The following WDPCP variants were observed in gnomAD, a reference collection of about 807,000 sequenced individuals.
The protein encoded by WDPCP is WD repeat-containing and planar cell polarity effector protein fritz homolog.
A neutral mutation model predicts 93.1 loss-of-function variants in WDPCP; 71 were observed. That is an observed-to-expected ratio of 0.76 (90% CI 0.63 to 0.93). The LOEUF (loss-of-function observed/expected upper bound fraction) is 0.93. WDPCP is among the 40% of genes least tolerant of loss of function. WDPCP has a pLI of 0.00. For missense variants in WDPCP, 844 were observed against 887.4 expected (o/e 0.95, Z 0.62); for synonymous variants, 315 against 315.0 (o/e 1.00, Z 0.00).
intron 2 of WDPCP, among the ~76,000 whole-genome samples, chr2:63,679,808 T>C (rs1161423210): frequency 6.6e-6 from 1 of 152,136 alleles, no homozygotes; most frequent in African/African-American, 2.4e-5. Flanking sequence ...GCACTTTGAA[T>C]CAATAGCCCT....
intron 14 of WDPCP, among the ~76,000 whole-genome samples, chr2:63,247,674 GAAA>G (rs77431217): frequency 8.6e-6 from 1 of 116,136 alleles, no homozygotes; most frequent in Non-Finnish European, 1.8e-5. Flanking sequence ...TTCCAAAATT[GAAA>G]AAAAAAAAAA....
intron 2 of WDPCP, among the ~76,000 whole-genome samples, chr2:63,715,949 G>A (rs529707385): frequency 6.6e-6 from 1 of 152,210 alleles, no homozygotes; most frequent in Non-Finnish European, 1.5e-5. Context: ...GTCGAGGTTG[G>A]TGATCTTCTG....
At chr2:63,403,990 A>T in intron 10 of WDPCP, 58 bp downstream of exon 10, 1 of 1,605,106 alleles carries the variant, frequency 6.2e-7, no homozygotes, top group Non-Finnish European at 8.5e-7. Context: ...TTATTGCCTT[A>T]ATTATGTCAC....
chr2:63,523,938 A>C (rs1703130295), intron 1 of WDPCP, among the ~76,000 whole-genome samples: 1 of 152,092 alleles, frequency 6.6e-6, no homozygotes, highest in African/African-American at 2.4e-5. Flanking sequence ...AAAGCAATGT[A>C]TAAAAATCAG....
At chr2:63,585,167 A>G (rs545401986) in intron 1 of WDPCP, among the ~76,000 whole-genome samples, 28 of 152,332 alleles carry the variant, frequency 1.8e-4, no homozygotes, top group African/African-American at 6.7e-4. Context: ...CATTGAGACT[A>G]CAGTTTTAAA....
At chr2:63,531,527 T>C (rs577634025) in intron 1 of WDPCP, among the ~76,000 whole-genome samples, 1 of 152,236 alleles carries the variant, frequency 6.6e-6, no homozygotes, top group Admixed American at 6.5e-5. Flanking sequence ...TACTATTCTG[T>C]AATATATGCT....
intron 2 of WDPCP, among the ~76,000 whole-genome samples, chr2:63,729,342 A>T (rs1243145398): frequency 2.0e-5 from 3 of 152,230 alleles, no homozygotes; most frequent in South Asian, 2.1e-4. Context: ...TGATAAAAAA[A>T]ATATATTTTA....
At position 63,207,956 on chromosome 2, in the gene WDPCP, TC is replaced by T. The variant is rs1334931582; in HGVS notation, c.1916-33125del. On this transcript the variant is annotated intron_variant, in intron 14 of 17. Coordinates refer to ENST00000272321, the MANE Select transcript of WDPCP (RefSeq NM_015910.7). ...TTTAAGTGTTTCCTCTTTTAAATTC[TC>T]TAGTTATCATAAGCAATTGTGTTTA... Among the ~76,000 whole-genome samples the T allele has an allele frequency of 2.0e-5, 3 of 152,208 alleles. No homozygotes were observed. In the East Asian group the frequency reaches 5.8e-4, roughly 29 times the overall value.
At chr2:63,188,920 T>C (rs1452463090) in intron 14 of WDPCP, among the ~76,000 whole-genome samples, 1 of 152,176 alleles carries the variant, frequency 6.6e-6, no homozygotes, top group Non-Finnish European at 1.5e-5. Flanking sequence ...TTCTCAATCT[T>C]TATGAACTAC....
intron 1 of WDPCP, among the ~76,000 whole-genome samples, chr2:63,574,278 A>G (rs1707756608): frequency 6.6e-6 from 1 of 152,152 alleles, no homozygotes; most frequent in Non-Finnish European, 1.5e-5. Context: ...CCGGACACCC[A>G]GCTTTAACAT....
chr2:63,480,135 A>G (rs1232031149), intron 6 of WDPCP, among the ~76,000 whole-genome samples: 1 of 152,080 alleles, frequency 6.6e-6, no homozygotes, highest in Non-Finnish European at 1.5e-5. Flanking sequence ...ACCCTTTTAC[A>G]ATAGCTGCAA....
intron 2 of WDPCP, among the ~76,000 whole-genome samples, chr2:63,678,725 T>C (rs1710454479): frequency 6.6e-6 from 1 of 152,248 alleles, no homozygotes; most frequent in Admixed American, 6.5e-5. Flanking sequence ...CTATTTCTTT[T>C]GATTCTTTCT....
intron 14 of WDPCP, among the ~76,000 whole-genome samples, chr2:63,250,358 T>C (rs62177797): frequency 0.2 from 30,589 of 152,146 alleles, 3,926 homozygotes; most frequent in Non-Finnish European, 0.3. Context: ...TTAAAAATTA[T>C]GAATTATTTA....
chr2:63,481,772 C>T (rs1382191391), intron 6 of WDPCP, among the ~76,000 whole-genome samples: 3 of 151,698 alleles, frequency 2.0e-5, no homozygotes, highest in African/African-American at 7.3e-5. Flanking sequence ...GGATAAAAGA[C>T]TACAAATAGG....
intron 1 of WDPCP, among the ~76,000 whole-genome samples, chr2:63,822,147 T>A (rs1380412895): frequency 6.6e-6 from 1 of 152,192 alleles, no homozygotes; most frequent in Non-Finnish European, 1.5e-5. Flanking sequence ...TCTCTGTTTT[T>A]AAAATTATTA....
intron 1 of WDPCP, among the ~76,000 whole-genome samples, chr2:63,575,466 T>C (rs201472840): frequency 7.0e-3 from 3 of 426 alleles, no homozygotes; most frequent in Non-Finnish European, 0.035. Flanking sequence ...ACAGTATATA[T>C]GCAGTATATA....
chr2:63,794,184 C>T (rs1455222734), intron 2 of WDPCP, among the ~76,000 whole-genome samples: 1 of 152,150 alleles, frequency 6.6e-6, no homozygotes. Flanking sequence ...CTCCTTTATT[C>T]CTTAAGGTTG....
intron 3 of WDPCP, among the ~76,000 whole-genome samples, chr2:63,638,549 G>C (rs1350884468): frequency 1.3e-5 from 2 of 152,168 alleles, no homozygotes; most frequent in African/African-American, 4.8e-5. Context: ...CAACACTTTG[G>C]AAGGCAGAAG....
At chr2:63,490,315 C>T (rs531096670) in intron 2 of WDPCP, among the ~76,000 whole-genome samples, 56 of 152,140 alleles carry the variant, frequency 3.7e-4, no homozygotes, top group African/African-American at 1.3e-3. Context: ...AGGACAAAAT[C>T]CTTTTTGTAG....
Sources: gnomAD v4.1 joint callset for allele counts (sites outside exome capture counted in the v4.1 genomes callset) on GRCh38, gnomAD v4.1.1 for gene constraint, MANE v1.5 for transcripts, NCBI Gene and HGNC (gene_info 2026-07-23, HGNC 2026-07-21) for gene names.